KCNV2: variants seen among roughly 807,000 people sequenced by gnomAD.
The protein encoded by KCNV2 is potassium voltage-gated channel subfamily V member 2.
Under a neutral mutation model 37.0 loss-of-function variants are expected in KCNV2, and 65 were observed. The ratio of observed to expected loss-of-function variants is 1.76; its 90% CI spans 1.44 to 2.16. The LOEUF (loss-of-function observed/expected upper bound fraction) is 2.16, where lower values mean the gene tolerates loss of function less well. Ranked by LOEUF, KCNV2 falls within the 30% of genes most tolerant of loss-of-function variation. The pLI is 0.00. For synonymous variants in KCNV2, 518 were observed against 328.6 expected (o/e 1.58, Z -6.23); for missense variants, 1,232 against 766.7 (o/e 1.61, Z -7.17).
At position 2,718,266 on chromosome 9, in the gene KCNV2, T is replaced by C; in HGVS notation, c.527T>C (p.Leu176Pro). 1.2e-6 allele frequency: 2 copies of C among 1,612,656 alleles called. No homozygotes were observed. The highest frequency in any genetic ancestry group is 2.2e-5 in the South Asian group (2 of 90,996). The change falls in exon 1 of 2, where the codon CTG becomes CCG. Residue 176 changes from leucine to proline, a missense_variant. Coordinates refer to ENST00000382082, the MANE Select transcript of KCNV2 (RefSeq NM_133497.4). ...GGGGTGCTGCTGGTGCTCGACGGGC[T>C]GTGTCCGCGCCGCTTCCTGGAGGAG... ...LSGVLLVLDG[L>P]CPRRFLEELG...
Position 2,729,504 on chromosome 9 carries a change from T to A in KCNV2, c.1415T>A (p.Phe472Tyr). ...DMYPETHLGRFFAFLCIAFGI... is the reference protein window; with the variant it reads ...DMYPETHLGRYFAFLCIAFGI... ...TACCCAGAGACCCACCTGGGCAGGT[T>A]TTTTGCCTTCCTCTGCATTGCTTTT... Residue 472 changes from phenylalanine to tyrosine, a missense_variant, in exon 2 of 2, where the codon TTT becomes TAT. Transcript: ENST00000382082. The A allele has an allele frequency of 6.2e-7, 1 of 1,614,118 alleles. No homozygotes were observed. The highest frequency in any genetic ancestry group is 8.5e-7 in the Non-Finnish European group (1 of 1,179,992).
chr9:2,728,909 A>AAG (rs370059688), intron 1 of KCNV2, among the ~76,000 whole-genome samples: 9 of 151,362 alleles, frequency 5.9e-5, no homozygotes, highest in African/African-American at 1.5e-4. Context: ...AAAAAAGAAA[A>AAG]AGAGAGAGAG....
Position 2,718,804 on chromosome 9 carries a change from C to G in KCNV2, c.1065C>G (p.Phe355Leu), listed in dbSNP as rs747253127. Residue 355 changes from phenylalanine to leucine, a missense_variant, in exon 1 of 2, where the codon TTC (phenylalanine) becomes TTG (leucine). Transcript: ENST00000382082. ...ACCTTCAGCTGCTGCTCGAGTGCTT[C>G]ACGGGCGAGGGCCACCAACGCGGCC... ...PLYLQLLLEC[F>L]TGEGHQRGQT... 4 of 1,610,460 alleles carry G rather than the reference C, an allele frequency of 2.5e-6. No individual in the cohort carries two copies. The South Asian group carries it at 4.4e-5, about 18-fold the overall frequency.
In KCNV2 at chr9:2,718,259, G is replaced by T. The variant is rs201520619; in HGVS notation, c.520G>T (p.Asp174Tyr). 6.2e-7 allele frequency: 1 copy of T among 1,612,820 alleles called. No individual in the cohort carries two copies. Among genetic ancestry groups the T allele is most frequent in the Admixed American group, 1.7e-5 (1 of 60,012 alleles). Residue 174 changes from aspartate to tyrosine, a missense_variant, in exon 1 of 2, where the codon GAC becomes TAC. Physicochemically the swap from Asp to Tyr is radical, Grantham distance 160. Coordinates refer to ENST00000382082, the MANE Select transcript of KCNV2 (RefSeq NM_133497.4). ...CCTGTCCGGGGTGCTGCTGGTGCTCGACGGGCTGTGTCCGCGCCGCTTCCT... is the reference window on the plus strand; with the variant it reads ...CCTGTCCGGGGTGCTGCTGGTGCTCTACGGGCTGTGTCCGCGCCGCTTCCT... Reference protein sequence around the residue: ...FYLSGVLLVLDGLCPRRFLEE... With the variant: ...FYLSGVLLVLYGLCPRRFLEE...
rs1299317195 is a variant in KCNV2 at position 2,729,640 on chromosome 9, G to A, written c.1551G>A (p.Glu517=). The part of the protein sequence containing the change: ...EYTTIRRERG[E]VNFMQRARKK... ...CCACCATACGCAGGGAGAGGGGAGA[G>A]GTGAACTTCATGCAGAGAGCCAGAA... The change falls in exon 2 of 2, where the codon GAG becomes GAA. Residue 517 remains glutamate (E), a synonymous_variant. Coordinates refer to ENST00000382082, the MANE Select transcript of KCNV2 (RefSeq NM_133497.4). 1 of 1,614,102 alleles carries A rather than the reference G, an allele frequency of 6.2e-7. No individual in the cohort carries two copies. Among genetic ancestry groups the A allele is most frequent in the Non-Finnish European group, 8.5e-7 (1 of 1,179,994 alleles).
In KCNV2 at chr9:2,718,597, G is replaced by C. The variant is rs1819792894; in HGVS notation, c.858G>C (p.Gln286His). ...ALALNTVEEM[Q>H]QHSGQGEGGP... ...CGCTCAACACCGTGGAGGAGATGCAGCAGCACTCGGGGCAGGGCGAGGGCG... is the reference window on the plus strand; with the variant it reads ...CGCTCAACACCGTGGAGGAGATGCACCAGCACTCGGGGCAGGGCGAGGGCG... Residue 286 changes from glutamine (Q) to histidine (H), a missense_variant, in exon 1 of 2, where the codon CAG (glutamine) becomes CAC (histidine). Coordinates refer to ENST00000382082, the MANE Select transcript of KCNV2 (RefSeq NM_133497.4). The C allele has an allele frequency of 6.2e-7, 1 of 1,613,014 alleles. No homozygotes were observed.
At chr9:2,723,416 T>C (rs1819914528) in intron 1 of KCNV2, among the ~76,000 whole-genome samples, 1 of 152,188 alleles carries the variant, frequency 6.6e-6, no homozygotes. Flanking sequence ...CTCAAGGATT[T>C]AAGAAAAATA....
chr9:2,718,318 G>C lies in KCNV2; in HGVS notation c.579G>C (p.Lys193Asn). 2.5e-6 allele frequency: 4 copies of C among 1,606,628 alleles called. No homozygotes were observed. The highest frequency in any genetic ancestry group is 1.1e-5 in the South Asian group (1 of 90,392). ...TGGGCTACTGGGGCGTGCGGCTCAA[G>C]TACACGCCACGCTGCTGCCGCATCT... ...EELGYWGVRL[K>N]YTPRCCRICF... The change falls in exon 1 of 2, where the codon AAG (lysine) becomes AAC (asparagine). Residue 193 changes from lysine (K) to asparagine (N), a missense_variant. Physicochemically the swap from Lys to Asn is moderately conservative, Grantham distance 94. Coordinates refer to ENST00000382082, the MANE Select transcript of KCNV2 (RefSeq NM_133497.4).
rs371248089 is a variant in KCNV2, at chr9:2,718,652, G to A, written c.913G>A (p.Val305Met). The change falls in exon 1 of 2, where the codon GTG becomes ATG. Residue 305 changes from valine (V) to methionine (M), a missense_variant. By Grantham distance (21) the Val-to-Met change is conservative (BLOSUM62 1). Coordinates refer to ENST00000382082, the MANE Select transcript of KCNV2 (RefSeq NM_133497.4). ...AGACCTGCGGCCCATCCTGGAGCAC[G>A]TGGAGATGCTGTGCATGGGCTTCTT... The part of the protein sequence containing the change: ...GPDLRPILEH[V>M]EMLCMGFFTL... The A allele has an allele frequency of 5.8e-5, 93 of 1,613,212 alleles. No homozygotes were observed. The highest frequency in any genetic ancestry group is 7.8e-5 in the Non-Finnish European group (92 of 1,179,858).
chr9:2,718,469 C>A lies in KCNV2; in HGVS notation c.730C>A (p.Arg244Ser). The change falls in exon 1 of 2, where the codon CGC (arginine) becomes AGC (serine). Residue 244 changes from arginine to serine, a missense_variant. Coordinates refer to ENST00000382082, the MANE Select transcript of KCNV2 (RefSeq NM_133497.4). The part of the protein sequence containing the change: ...RDMRFYGPQR[R>S]RLWNLMEKPF... ...CATGCGCTTCTACGGCCCGCAGCGGCGCCGCCTCTGGAACCTCATGGAGAA... is the reference window on the plus strand; with the variant it reads ...CATGCGCTTCTACGGCCCGCAGCGGAGCCGCCTCTGGAACCTCATGGAGAA... 1 of 1,608,668 alleles carries A rather than the reference C, an allele frequency of 6.2e-7. No individual in the cohort carries two copies. Among genetic ancestry groups the A allele is most frequent in the South Asian group, 1.1e-5 (1 of 90,508 alleles).
At chr9:2,724,011 A>ATT (rs34210075) in intron 1 of KCNV2, among the ~76,000 whole-genome samples, 3 of 66,706 alleles carry the variant, frequency 4.5e-5, no homozygotes, top group African/African-American at 1.4e-4. Flanking sequence ...TTTTTTTCTT[A>ATT]TTTTTTTTTT....
chr9:2,717,707 G>A lies in KCNV2; in HGVS notation c.-33G>A. The stretch of plus-strand genomic sequence containing the variant: ...GGTGAGGGACCCCTACCACAGCCAG[G>A]AGGAAAAAGCTAGGCGTCCACTTTC... On this transcript the variant is annotated 5_prime_UTR_variant, in exon 1 of 2. Transcript: ENST00000382082. 1 of 1,614,020 alleles carries A rather than the reference G, an allele frequency of 6.2e-7. No homozygotes were observed. The highest frequency in any genetic ancestry group is 8.5e-7 in the Non-Finnish European group (1 of 1,179,994).
In KCNV2 at chr9:2,718,328, C is replaced by G; in HGVS notation, c.589C>G (p.Arg197Gly). Residue 197 changes from arginine (R) to glycine (G), a missense_variant, in exon 1 of 2, where the codon CGC (arginine) becomes GGC (glycine). Transcript: ENST00000382082. ...GGGCGTGCGGCTCAAGTACACGCCA[C>G]GCTGCTGCCGCATCTGCTTCGAGGA... is the stretch of plus-strand genomic sequence containing the variant. Reference protein sequence around the residue: ...YWGVRLKYTPRCCRICFEERR... With the variant: ...YWGVRLKYTPGCCRICFEERR... The G allele has an allele frequency of 6.2e-7, 1 of 1,603,334 alleles. No homozygotes were observed. Among genetic ancestry groups the G allele is most frequent in the Admixed American group, 1.7e-5 (1 of 58,670 alleles).
At position 2,718,263 on chromosome 9, in the gene KCNV2, G is replaced by A. The variant is rs1199956233; in HGVS notation, c.524G>A (p.Gly175Glu). The A allele has an allele frequency of 3.7e-6, 6 of 1,612,606 alleles. No individual in the cohort carries two copies. Among genetic ancestry groups the A allele is most frequent in the East Asian group, 2.2e-5 (1 of 44,878 alleles). ...YLSGVLLVLD[G>E]LCPRRFLEEL... is the part of the protein sequence containing the mutation. Reference sequence around the variant, plus strand: ...TCCGGGGTGCTGCTGGTGCTCGACGGGCTGTGTCCGCGCCGCTTCCTGGAG... The same window carrying A: ...TCCGGGGTGCTGCTGGTGCTCGACGAGCTGTGTCCGCGCCGCTTCCTGGAG... The change falls in exon 1 of 2, where the codon GGG becomes GAG. Residue 175 changes from glycine to glutamate, a missense_variant. Transcript: ENST00000382082.
At position 2,729,586 on chromosome 9, in the gene KCNV2, C is replaced by T. The variant is rs747466519; in HGVS notation, c.1497C>T (p.Tyr499=). 2.8e-5 allele frequency: 45 copies of T among 1,613,994 alleles called. No individual in the cohort carries two copies. In the Admixed American group the frequency reaches 7.3e-4, roughly 26 times the overall value. The change falls in exon 2 of 2, where the codon TAC becomes TAT. Residue 499 remains tyrosine, a synonymous_variant. Transcript: ENST00000382082. The part of the protein sequence containing the change: ...ISILYNKFSD[Y]YSKLKAYEYT... ...TCCTCTACAACAAGTTTTCTGATTA[C>T]TACAGCAAGCTGAAGGCTTATGAGT...
Position 2,729,639 on chromosome 9 carries a change from A to G in KCNV2, c.1550A>G (p.Glu517Gly), listed in dbSNP as rs1438214597. The change falls in exon 2 of 2, where the codon GAG becomes GGG. Residue 517 changes from glutamate (E) to glycine (G), a missense_variant. Glu to Gly is a moderately conservative substitution (Grantham distance 98, BLOSUM62 -2). Coordinates refer to ENST00000382082, the MANE Select transcript of KCNV2 (RefSeq NM_133497.4). ...ACCACCATACGCAGGGAGAGGGGAG[A>G]GGTGAACTTCATGCAGAGAGCCAGA... ...EYTTIRRERG[E>G]VNFMQRARKK... 10 of 1,613,964 alleles carry G rather than the reference A, an allele frequency of 6.2e-6. No homozygotes were observed. In the African/African-American group the frequency reaches 1.3e-4, roughly 22 times the overall value.
chr9:2,728,810 G>A (rs1820010221), intron 1 of KCNV2, among the ~76,000 whole-genome samples: 1 of 150,848 alleles, frequency 6.6e-6, no homozygotes, highest in Admixed American at 6.6e-5. Flanking sequence ...TGTGTTCAGT[G>A]CTTTATATTC....
intron 1 of KCNV2, among the ~76,000 whole-genome samples, chr9:2,720,903 C>T (rs1020950835): frequency 4.6e-5 from 7 of 152,128 alleles, no homozygotes; most frequent in African/African-American, 1.7e-4. Context: ...GTATTTTTAC[C>T]AGTAAATTTT....
Position 2,718,806 on chromosome 9 carries a change from C to A in KCNV2, c.1067C>A (p.Thr356Lys). 3 of 1,610,304 alleles carry A rather than the reference C, an allele frequency of 1.9e-6. No homozygotes were observed. Among genetic ancestry groups the A allele is most frequent in the Non-Finnish European group, 2.5e-6 (3 of 1,179,894 alleles). ...CTTCAGCTGCTGCTCGAGTGCTTCA[C>A]GGGCGAGGGCCACCAACGCGGCCAG... ...LYLQLLLECF[T>K]GEGHQRGQTV... The change falls in exon 1 of 2, where the codon ACG becomes AAG. Residue 356 changes from threonine to lysine, a missense_variant. Coordinates refer to ENST00000382082, the MANE Select transcript of KCNV2 (RefSeq NM_133497.4).
Sources: gnomAD v4.1 joint callset for allele counts (sites outside exome capture counted in the v4.1 genomes callset) on GRCh38, gnomAD v4.1.1 for gene constraint, MANE v1.5 for transcripts, NCBI Gene and HGNC (gene_info 2026-07-23, HGNC 2026-07-21) for gene names.